The following KCTD16 variants were observed in gnomAD, a reference collection of about 807,000 sequenced individuals.
KCTD16 encodes the protein BTB/POZ domain-containing protein KCTD16.
A neutral mutation model predicts 33.2 loss-of-function variants in KCTD16; 13 were observed. The observed-to-expected ratio is 0.39, with a 90% CI of 0.25 to 0.62. KCTD16 has a LOEUF of 0.62. Among genes scored for constraint, KCTD16 ranks in the 20% least tolerant of loss-of-function variants. The pLI, the probability that KCTD16 is intolerant of heterozygous loss-of-function variation, is 0.50. For synonymous variants in KCTD16, 197 were observed against 195.3 expected (o/e 1.01, Z -0.07); for missense variants, 441 against 525.1 (o/e 0.84, Z 1.57).
intron 3 of KCTD16, among the ~76,000 whole-genome samples, chr5:144,221,437 G>T (rs147555263): frequency 0.016 from 2,397 of 151,950 alleles, 66 homozygotes; most frequent in African/African-American, 0.054. Flanking sequence ...CCCCTGACAG[G>T]CCCCAGTGTG....
chr5:144,442,450 C>CTTCTTTCATTCTTTCT (rs1554095071), intron 3 of KCTD16, among the ~76,000 whole-genome samples: 1 of 147,762 alleles, frequency 6.8e-6, no homozygotes, highest in Non-Finnish European at 1.5e-5. Flanking sequence ...TCTTTTCTTT[C>CTTCTTTCATTCTTTCT]TTCTTTCTTT....
chr5:144,266,670 A>C (rs919998721), intron 3 of KCTD16, among the ~76,000 whole-genome samples: 11 of 152,232 alleles, frequency 7.2e-5, no homozygotes, highest in African/African-American at 2.7e-4. Context: ...TGTAAAACAC[A>C]AATGAGTTTG....
intron 3 of KCTD16, among the ~76,000 whole-genome samples, chr5:144,372,856 T>C (rs1475078588): frequency 6.6e-6 from 1 of 152,190 alleles, no homozygotes; most frequent in Non-Finnish European, 1.5e-5. Flanking sequence ...CAGGAGCCTG[T>C]GAAGAGCTGT....
intron 2 of KCTD16, among the ~76,000 whole-genome samples, chr5:144,188,266 C>T (rs899543887): frequency 2.0e-5 from 3 of 152,134 alleles, no homozygotes; most frequent in African/African-American, 7.2e-5. Context: ...TAGATATTAG[C>T]TTTGTACCTC....
intron 2 of KCTD16, among the ~76,000 whole-genome samples, chr5:144,192,548 A>T (rs1402938067): frequency 6.6e-6 from 1 of 152,222 alleles, no homozygotes; most frequent in Non-Finnish European, 1.5e-5. Context: ...CTAAGGGGTT[A>T]CATGATTTCT....
chr5:144,245,376 T>A (rs1754521521), intron 3 of KCTD16, among the ~76,000 whole-genome samples: 1 of 152,174 alleles, frequency 6.6e-6, no homozygotes, highest in African/African-American at 2.4e-5. Context: ...CGCAAGGAAG[T>A]TATGGTTGCG....
At chr5:144,447,172 G>A (rs533777473) in intron 3 of KCTD16, among the ~76,000 whole-genome samples, 3 of 152,212 alleles carry the variant, frequency 2.0e-5, no homozygotes, top group South Asian at 4.2e-4. Flanking sequence ...GCCCATCAAT[G>A]TTAGACTGGA....
intron 3 of KCTD16, among the ~76,000 whole-genome samples, chr5:144,443,890 T>C (rs910421108): frequency 1.3e-5 from 2 of 152,082 alleles, no homozygotes; most frequent in Admixed American, 1.3e-4. Context: ...CAATAAGCAA[T>C]AGTCAAATCA....
In KCTD16 at chr5:144,477,253, CA is replaced by C. The variant is rs1754614476; in HGVS notation, c.*3145del. On this transcript the variant is annotated 3_prime_UTR_variant, in exon 4 of 4. Coordinates refer to ENST00000512467, the MANE Select transcript of KCTD16 (RefSeq NM_020768.4). ...GGAAAAAATTGCACTGAAATGCTGA[CA>C]AAAAATAATGAAATGAAGTGGCTTC... 1 of 151,868 alleles carries C rather than the reference CA, an allele frequency of 6.6e-6. No individual in the cohort carries two copies. The highest frequency in any genetic ancestry group is 1.5e-5 in the Non-Finnish European group (1 of 67,934). 9.4% of individuals were successfully genotyped at this position (151,868 alleles called of 1,614,324 possible).
intron 3 of KCTD16, among the ~76,000 whole-genome samples, chr5:144,425,998 C>T (rs943747752): frequency 1.3e-5 from 2 of 152,092 alleles, no homozygotes; most frequent in African/African-American, 2.4e-5. Context: ...CTTTACATGG[C>T]GAGATTAAAA....
intron 3 of KCTD16, among the ~76,000 whole-genome samples, chr5:144,391,955 A>G (rs1232645973): frequency 6.6e-6 from 1 of 152,214 alleles, no homozygotes; most frequent in Non-Finnish European, 1.5e-5. Context: ...CTATGTATAA[A>G]TCTATAGATG....
At chr5:144,409,274 T>C (rs992554259) in intron 3 of KCTD16, among the ~76,000 whole-genome samples, 5 of 152,320 alleles carry the variant, frequency 3.3e-5, no homozygotes, top group Non-Finnish European at 7.3e-5. Context: ...TTTAAGTTTT[T>C]ACATTGGTTA....
At chr5:144,226,769 C>T (rs552514235) in intron 3 of KCTD16, among the ~76,000 whole-genome samples, 76 of 152,096 alleles carry the variant, frequency 5.0e-4, no homozygotes, top group African/African-American at 6.5e-4. Context: ...GATGGGATTT[C>T]GCCATGTTGG....
At position 144,417,702 on chromosome 5, in the gene KCTD16, T is replaced by C. The variant is rs559599840; in HGVS notation, c.833-55958T>C. ...CCAAGGTCATGGAGATTTAGTTCTATGCTTTTTTGCAAGTGTTTTATGGTT... is the reference window on the plus strand; with the variant it reads ...CCAAGGTCATGGAGATTTAGTTCTACGCTTTTTTGCAAGTGTTTTATGGTT... On this transcript the variant is annotated intron_variant, in intron 3 of 3. Coordinates refer to ENST00000512467, the MANE Select transcript of KCTD16 (RefSeq NM_020768.4). Among the ~76,000 whole-genome samples the C allele has an allele frequency of 5.3e-5, 8 of 152,342 alleles. No individual in the cohort carries two copies. In the South Asian group the frequency reaches 1.2e-3, roughly 24 times the overall value.
intron 3 of KCTD16, among the ~76,000 whole-genome samples, chr5:144,421,531 T>C (rs944411360): frequency 1.3e-5 from 2 of 152,134 alleles, no homozygotes; most frequent in Non-Finnish European, 2.9e-5. Context: ...ATCTGGTTCC[T>C]TGGACTCAGT....
chr5:144,443,363 C>T (rs1009642180), intron 3 of KCTD16, among the ~76,000 whole-genome samples: 4 of 151,962 alleles, frequency 2.6e-5, no homozygotes, highest in Admixed American at 1.3e-4. Flanking sequence ...ATGATAATTT[C>T]TAAATACCTT....
At position 144,485,624 on chromosome 5, in the gene KCTD16, T is replaced by C. The variant is rs560301277; in HGVS notation, c.*11510T>C. On this transcript the variant is annotated 3_prime_UTR_variant, in exon 4 of 4. Transcript: ENST00000512467. Reference sequence around the variant, plus strand: ...AGGTAACTATTTTTATGTGTTTCCATAAATGACTCCATTTCATATGCATTG... The same window carrying C: ...AGGTAACTATTTTTATGTGTTTCCACAAATGACTCCATTTCATATGCATTG... The C allele has an allele frequency of 6.6e-6, 1 of 151,972 alleles. No homozygotes were observed. Among genetic ancestry groups the C allele is most frequent in the Non-Finnish European group, 1.5e-5 (1 of 67,910 alleles). The allele number at this position is 151,972 out of a possible 1,614,324, so 9.4% of individuals were successfully genotyped here. A position where few individuals can be genotyped will look rare whatever the true frequency, so the allele number is the denominator to read the frequency against.
chr5:144,421,898 T>TA, intron 3 of KCTD16, among the ~76,000 whole-genome samples: 1 of 152,112 alleles, frequency 6.6e-6, no homozygotes, highest in East Asian at 1.9e-4. Context: ...ATATAGAATT[T>TA]GGGTCATCTT....
At chr5:144,223,415 A>G (rs1388517913) in intron 3 of KCTD16, among the ~76,000 whole-genome samples, 4 of 152,208 alleles carry the variant, frequency 2.6e-5, no homozygotes, top group African/African-American at 7.2e-5. Context: ...AAAGAAATAA[A>G]GAAGATAAAA....
Sources: gnomAD v4.1 joint callset for allele counts (sites outside exome capture counted in the v4.1 genomes callset) on GRCh38, gnomAD v4.1.1 for gene constraint, MANE v1.5 for transcripts, NCBI Gene and HGNC (gene_info 2026-07-23, HGNC 2026-07-21) for gene names.